SCNN1G: variants seen among roughly 807,000 people sequenced by gnomAD.
SCNN1G encodes the protein epithelial sodium channel subunit gamma.
Under a neutral mutation model 64.6 loss-of-function variants are expected in SCNN1G, and 27 were observed. The observed-to-expected ratio is 0.42, with a 90% confidence interval of 0.31 to 0.58. SCNN1G has a LOEUF of 0.58. Among genes scored for constraint, SCNN1G ranks in the 20% least tolerant of loss-of-function variants. The pLI is 0.18. For synonymous variants in SCNN1G, 330 were observed against 314.2 expected, an observed-to-expected ratio of 1.05 and a Z score of -0.53; for missense variants, 743 against 823.4, an observed-to-expected ratio of 0.90 and a Z score of 1.19.
chr16:23,182,789 G>A lies in SCNN1G; in HGVS notation c.-69G>A, dbSNP rs911115363. The stretch of plus-strand genomic sequence containing the variant: ...GCAGAGGAGCAGCGCACCCGCACGA[G>A]CCTTGGACCCTTTGGAACCGAAAGG... On this transcript the variant is annotated 5_prime_UTR_variant, in exon 1 of 13. Coordinates refer to ENST00000300061, the MANE Select transcript of SCNN1G (RefSeq NM_001039.4). 6.6e-6 allele frequency: 1 copy of A among 152,414 alleles called. No homozygotes were observed. The highest frequency in any genetic ancestry group is 1.5e-5 in the Non-Finnish European group (1 of 68,184). The allele number at this position is 152,414 out of a possible 1,614,324, so 9.4% of individuals were successfully genotyped here.
At chr16:23,202,248 A>ATGGG (rs879655390) in intron 6 of SCNN1G, among the ~76,000 whole-genome samples, 6,185 of 54,650 alleles carry the variant, frequency 0.11, 248 homozygotes, top group Middle Eastern at 0.21. Flanking sequence ...TGACAGATGG[A>ATGGG]TGGGTGGGTG....
chr16:23,215,278 A>G lies in SCNN1G; in HGVS notation c.1759A>G (p.Ser587Gly). ...QAPPCPEAPRSPQGQDNPALD... is the reference protein window; with the variant it reads ...QAPPCPEAPRGPQGQDNPALD... ...TCCCCCATGTCCAGAAGCTCCCCGTAGCCCACAGGGCCAGGACAATCCAGC... is the reference window on the plus strand; with the variant it reads ...TCCCCCATGTCCAGAAGCTCCCCGTGGCCCACAGGGCCAGGACAATCCAGC... The change falls in exon 13 of 13, where the codon AGC becomes GGC. Residue 587 changes from serine to glycine, a missense_variant. Coordinates refer to ENST00000300061, the MANE Select transcript of SCNN1G (RefSeq NM_001039.4). The G allele has an allele frequency of 6.2e-7, 1 of 1,614,190 alleles. No individual in the cohort carries two copies.
At chr16:23,194,599 G>A (rs182386658) in intron 5 of SCNN1G, among the ~76,000 whole-genome samples, 1 of 152,286 alleles carries the variant, frequency 6.6e-6, no homozygotes, top group African/African-American at 2.4e-5. Flanking sequence ...GTTTCCAAAG[G>A]GAGTTGAGCC....
chr16:23,197,437 T>C lies in SCNN1G; in HGVS notation c.1077+10T>C. On this transcript the variant is annotated intron_variant, in intron 6 of 12. Transcript: ENST00000300061. ...TATAGGAATGCACCTGGTAAGAGAA[T>C]ATTCTCATTTCCATAGGCTTGGAGA... 6.2e-7 allele frequency: 1 copy of C among 1,611,858 alleles called. No homozygotes were observed. Among genetic ancestry groups the C allele is most frequent in the Non-Finnish European group, 8.5e-7 (1 of 1,177,936 alleles).
intron 6 of SCNN1G, among the ~76,000 whole-genome samples, chr16:23,199,949 G>A (rs1002782622): frequency 8.5e-5 from 13 of 152,132 alleles, no homozygotes; most frequent in South Asian, 6.2e-4. Flanking sequence ...GGGATTACAG[G>A]CGTGAGCCAC....
At chr16:23,214,856 G>A in intron 12 of SCNN1G, 69 bp downstream of exon 12, 1 of 1,386,674 alleles carries the variant, frequency 7.2e-7, no homozygotes, top group South Asian at 1.2e-5. Flanking sequence ...CTGGCCTTGG[G>A]GAGCAGAATC....
At chr16:23,209,321 C>T (rs1045744744) in intron 6 of SCNN1G, among the ~76,000 whole-genome samples, 3 of 152,162 alleles carry the variant, frequency 2.0e-5, no homozygotes, top group African/African-American at 7.2e-5. Flanking sequence ...AAGACCAGCT[C>T]TTTCTTGCAG....
intron 4 of SCNN1G, among the ~76,000 whole-genome samples, 181 bp from the exon 5 acceptor site, chr16:23,193,990 T>C (rs1172682443): frequency 1.3e-5 from 2 of 152,168 alleles, no homozygotes; most frequent in Non-Finnish European, 2.9e-5. Flanking sequence ...TCTATGTCCA[T>C]GTGTGTCAAC....
At chr16:23,184,007 G>T (rs1249536904) in intron 1 of SCNN1G, among the ~76,000 whole-genome samples, 1 of 152,184 alleles carries the variant, frequency 6.6e-6, no homozygotes, top group Non-Finnish European at 1.5e-5. Flanking sequence ...TGAGGTGACA[G>T]CTGCAAAGTA....
chr16:23,189,811 C>T (rs1959676883), intron 3 of SCNN1G, 140 bp downstream of exon 3: 8 of 911,682 alleles, frequency 8.8e-6, no homozygotes, highest in Non-Finnish European at 1.3e-5. Flanking sequence ...GTGACTCATG[C>T]TTGTAATCCC....
At chr16:23,206,899 G>T (rs1478899202) in intron 6 of SCNN1G, among the ~76,000 whole-genome samples, 1 of 152,118 alleles carries the variant, frequency 6.6e-6, no homozygotes, top group Admixed American at 6.6e-5. Context: ...GTCCCTAGGG[G>T]TCAGGATAGA....
chr16:23,182,976 C>A (rs1006695212), intron 1 of SCNN1G, among the ~76,000 whole-genome samples, 163 bp downstream of exon 1: 17 of 152,164 alleles, frequency 1.1e-4, no homozygotes, highest in African/African-American at 2.4e-5. Flanking sequence ...CTTGCCCGGG[C>A]GGTAGCGGCC....
intron 1 of SCNN1G, among the ~76,000 whole-genome samples, chr16:23,183,313 C>T (rs1007158509): frequency 1.3e-5 from 2 of 152,234 alleles, no homozygotes; most frequent in African/African-American, 4.8e-5. Context: ...GCTCGCTCCG[C>T]GCAGGGAGGG....
chr16:23,189,584 G>A lies in SCNN1G; in HGVS notation c.531G>A (p.Gly177=), dbSNP rs901086545. The change falls in exon 3 of 13, where the codon GGG becomes GGA. Residue 177 remains glycine (G), a synonymous_variant. Transcript: ENST00000300061. ...EKGKARDFFT[G]RKRKVGGSII... ...GCAAGGCCAGGGACTTCTTCACAGGGAGGAAGCGGAAAGTCGGCGGTAGCA... is the reference window on the plus strand; with the variant it reads ...GCAAGGCCAGGGACTTCTTCACAGGAAGGAAGCGGAAAGTCGGCGGTAGCA... 6.2e-7 allele frequency: 1 copy of A among 1,614,246 alleles called. No homozygotes were observed. Among genetic ancestry groups the A allele is most frequent in the Non-Finnish European group, 8.5e-7 (1 of 1,180,040 alleles).
chr16:23,199,663 C>CTTTTT (rs67132706), intron 6 of SCNN1G, among the ~76,000 whole-genome samples: 1,258 of 59,780 alleles, frequency 0.021, 14 homozygotes, highest in Non-Finnish European at 0.024. Context: ...CTTTTCTTTT[C>CTTTTT]TTTTTTTTTT....
intron 6 of SCNN1G, among the ~76,000 whole-genome samples, chr16:23,204,334 T>TATATATATAGAG (rs1567267153): frequency 6.6e-5 from 1 of 15,176 alleles, no homozygotes; most frequent in Non-Finnish European, 1.1e-4. Flanking sequence ...TATATATATA[T>TATATATATAGAG]AGAGAGAGAG....
Position 23,213,010 on chromosome 16 carries a change from G to A in SCNN1G, c.1432-92G>A, listed in dbSNP as rs536441109. ...CCAGGGGGAAAAGAATTACCTTGTG[G>A]AGGCTGGGGGACAAGTTGGGGAGCC... On this transcript the variant is annotated intron_variant, in intron 10 of 12. Transcript: ENST00000300061. The A allele has an allele frequency of 2.6e-6, 4 of 1,523,718 alleles. No homozygotes were observed. In the African/African-American group the frequency reaches 5.5e-5, roughly 21 times the overall value. 94.4% of individuals were successfully genotyped at this position (1,523,718 alleles called of 1,614,324 possible).
intron 1 of SCNN1G, among the ~76,000 whole-genome samples, chr16:23,185,424 A>G (rs1959590364): frequency 6.6e-6 from 1 of 152,184 alleles, no homozygotes. Context: ...GTGCACATTG[A>G]TGAATGTGAT....
At chr16:23,193,796 G>T (rs1251464431) in intron 4 of SCNN1G, among the ~76,000 whole-genome samples, 1 of 150,722 alleles carries the variant, frequency 6.6e-6, no homozygotes, top group Non-Finnish European at 1.5e-5. Flanking sequence ...GTCATGTAAG[G>T]GCACAGATGA....
Sources: allele counts gnomAD v4.1 joint callset (sites outside exome capture counted in the v4.1 genomes callset), GRCh38; gene constraint gnomAD v4.1.1; transcripts MANE v1.5; gene names NCBI Gene and HGNC (gene_info 2026-07-23, HGNC 2026-07-21).